Variants in KAZN observed in about 807,000 individuals in gnomAD.
KAZN encodes kazrin.
Under a neutral mutation model 87.4 loss-of-function variants are expected in KAZN, and 40 were observed. The ratio of observed to expected loss-of-function variants is 0.46; its 90% CI spans 0.36 to 0.60. The LOEUF (loss-of-function observed/expected upper bound fraction) is 0.60, where lower values mean the gene tolerates loss of function less well. Ranked by LOEUF, KAZN falls within the 20% of genes least tolerant of loss-of-function variation. The pLI, the probability that KAZN is intolerant of heterozygous loss-of-function variation, is 0.00. For synonymous variants in KAZN, 466 were observed against 458.3 expected, an observed-to-expected ratio of 1.02 and a Z score of -0.22; for missense variants, 898 against 1,073.9, an observed-to-expected ratio of 0.84 and a Z score of 2.29.
At chr1:14,821,133 G>GA (rs1397181196) in intron 1 of KAZN, among the ~76,000 whole-genome samples, 3 of 152,214 alleles carry the variant, frequency 2.0e-5, no homozygotes, top group African/African-American at 7.2e-5. Context: ...AGAATCCTTA[G>GA]AAGTCACTGT....
chr1:14,272,203 G>A (rs1261710695), intron 2 of KAZN, among the ~76,000 whole-genome samples: 1 of 152,164 alleles, frequency 6.6e-6, no homozygotes, highest in Non-Finnish European at 1.5e-5. Flanking sequence ...TCTGATGCTG[G>A]CTGATCTAGG....
Position 14,668,183 on chromosome 1 carries a change from G to A in KAZN, c.226+68960G>A, listed in dbSNP as rs184769222. The stretch of plus-strand genomic sequence containing the variant: ...AAATGAAAGTCTCCGAGAAACCTGG[G>A]AACTTCATATGTAATTTCCTTTCTT... On this transcript the variant is annotated intron_variant, in intron 1 of 14. Coordinates refer to ENST00000376030, the MANE Select transcript of KAZN (RefSeq NM_201628.3). Among the ~76,000 whole-genome samples the A allele has an allele frequency of 2.6e-4, 39 of 152,266 alleles. No homozygotes were observed. In the East Asian group the frequency reaches 7.3e-3, roughly 29 times the overall value.
chr1:14,262,512 T>C (rs1342977683), intron 2 of KAZN, among the ~76,000 whole-genome samples: 1 of 152,258 alleles, frequency 6.6e-6, no homozygotes, highest in Non-Finnish European at 1.5e-5. Context: ...CTTTGCTGAC[T>C]AAATTCTACG....
At chr1:15,045,662 A>G (rs955107363) in intron 4 of KAZN, among the ~76,000 whole-genome samples, 2 of 152,228 alleles carry the variant, frequency 1.3e-5, no homozygotes, top group Non-Finnish European at 2.9e-5. Flanking sequence ...TAAAGGAAAG[A>G]GGTTTAATTG....
chr1:14,254,603 G>T (rs2100626816), intron 2 of KAZN, among the ~76,000 whole-genome samples: 1 of 152,184 alleles, frequency 6.6e-6, no homozygotes, highest in South Asian at 2.1e-4. Context: ...GCCCAGAATT[G>T]GAACAGCTCA....
intron 1 of KAZN, among the ~76,000 whole-genome samples, chr1:14,879,372 T>G (rs777384359): frequency 1.2e-4 from 18 of 152,276 alleles, no homozygotes; most frequent in Non-Finnish European, 2.5e-4. Context: ...TTGTTATTAA[T>G]GATTACATAT....
intron 2 of KAZN, among the ~76,000 whole-genome samples, chr1:14,972,605 C>G (rs538453148): frequency 6.6e-6 from 1 of 152,032 alleles, no homozygotes; most frequent in South Asian, 2.1e-4. Flanking sequence ...AACCCTGCCT[C>G]CCGAGTTCCG....
At chr1:14,324,695 C>CT (rs1656281753) in intron 2 of KAZN, among the ~76,000 whole-genome samples, 1 of 152,152 alleles carries the variant, frequency 6.6e-6, no homozygotes, top group Non-Finnish European at 1.5e-5. Flanking sequence ...TATCTCAACT[C>CT]GCACTACTGT....
intron 1 of KAZN, among the ~76,000 whole-genome samples, chr1:14,676,489 G>C (rs1255575568): frequency 6.6e-6 from 1 of 152,122 alleles, no homozygotes; most frequent in African/African-American, 2.4e-5. Flanking sequence ...CCTCCTGCAG[G>C]GAAGGTTGTA....
chr1:14,543,951 C>T (rs1672968527), intron 2 of KAZN, among the ~76,000 whole-genome samples: 1 of 152,146 alleles, frequency 6.6e-6, no homozygotes, highest in South Asian at 2.1e-4. Context: ...CCTATTAAGA[C>T]AATGAATGGA....
chr1:14,557,143 T>A (rs756297422), intron 2 of KAZN, among the ~76,000 whole-genome samples: 1 of 152,146 alleles, frequency 6.6e-6, no homozygotes. Context: ...AATAGTAAAG[T>A]CAAAATTTTA....
intron 1 of KAZN, chr1:14,930,023 C>T (rs759836895): frequency 5.1e-6 from 5 of 985,574 alleles, no homozygotes; most frequent in African/African-American, 1.7e-5. Context: ...GGAGGAAATT[C>T]GGAACCAGAA....
chr1:14,261,297 T>C (rs1056512174), intron 2 of KAZN, among the ~76,000 whole-genome samples: 5 of 152,158 alleles, frequency 3.3e-5, no homozygotes, highest in Admixed American at 6.5e-5. Context: ...TAAGGATAAA[T>C]GAAATCATGT....
At chr1:14,017,000 C>G (rs1281452979) in intron 1 of KAZN, among the ~76,000 whole-genome samples, 1 of 152,198 alleles carries the variant, frequency 6.6e-6, no homozygotes, top group African/African-American at 2.4e-5. Context: ...AAACTTGTCT[C>G]TTATAGGTTC....
At chr1:14,263,998 C>G (rs749224142) in intron 2 of KAZN, among the ~76,000 whole-genome samples, 1 of 152,172 alleles carries the variant, frequency 6.6e-6, no homozygotes, top group African/African-American at 2.4e-5. Context: ...TCCCCTGTTG[C>G]ATTAATTTTT....
chr1:15,097,678 C>T (rs373361632), intron 10 of KAZN, among the ~76,000 whole-genome samples: 9 of 151,944 alleles, frequency 5.9e-5, no homozygotes, highest in South Asian at 2.1e-4. Context: ...AATTAGTAGG[C>T]GTGGTGGTGT....
chr1:14,963,420 G>A lies in KAZN; in HGVS notation c.418+2545G>A, dbSNP rs1007526873. Among the ~76,000 whole-genome samples the A allele has an allele frequency of 9.9e-5, 15 of 152,176 alleles. 1 individual carries two copies. The highest frequency in any genetic ancestry group is 2.6e-4 in the Admixed American group (4 of 15,274). ...GTGGCAGAGCTAATTAGCAGAAGCA[G>A]AGACTTTTTCCCACTGCACAGACAC... On this transcript the variant is annotated intron_variant, in intron 2 of 14. Transcript: ENST00000376030.
rs180918391 is a variant in KAZN at position 14,387,038 on chromosome 1, C to T, written c.249+206446C>T. Among the ~76,000 whole-genome samples, 707 of 152,244 alleles carry T rather than the reference C, an allele frequency of 4.6e-3. 4 individuals are homozygous for T. The highest frequency in any genetic ancestry group is 7.2e-3 in the Non-Finnish European group (488 of 68,014). ...TCTTTTTATTTTTTTCTCTAAACTT[C>T]CCTTCTCGCTTCATTTCATTCATTT... On this transcript the variant is annotated intron_variant, in intron 2 of 16. Coordinates refer to the KAZN transcript ENST00000636203.
At chr1:14,887,863 C>T (rs1215020266) in intron 1 of KAZN, among the ~76,000 whole-genome samples, 2 of 151,926 alleles carry the variant, frequency 1.3e-5, no homozygotes, top group African/African-American at 2.4e-5. Flanking sequence ...ATTTCTCATG[C>T]CCCCCTCTCT....
Sources: gnomAD v4.1 joint callset for allele counts (sites outside exome capture counted in the v4.1 genomes callset) on GRCh38, gnomAD v4.1.1 for gene constraint, MANE v1.5 for transcripts, NCBI Gene and HGNC (gene_info 2026-07-23, HGNC 2026-07-21) for gene names.